The following STK32A variants were observed in gnomAD, a reference collection of about 807,000 sequenced individuals.
The protein encoded by STK32A is serine/threonine-protein kinase 32A.
STK32A carries 41 observed loss-of-function variants against 53.2 expected under a neutral mutation model. The observed-to-expected ratio is 0.77, with a 90% CI of 0.60 to 1.00. The LOEUF is 1.00. STK32A is among the 50% of genes least tolerant of loss of function. The pLI is 0.00. For synonymous variants in STK32A, 166 were observed against 162.8 expected (o/e 1.02, Z -0.15); for missense variants, 458 against 485.8 (o/e 0.94, Z 0.54).
rs973780815 is a variant in STK32A, at chr5:147,373,295, G to A, written c.903+1G>A. ...GCTCATTCCAGGTTTCATTCCTAAT[G>A]TGAGTCAATCCTAACAAAGCCAAAT... On this transcript the variant is annotated splice_donor_variant, in intron 10 of 12. Transcript: ENST00000397936. LOFTEE classifies it high-confidence loss of function. The A allele has an allele frequency of 1.2e-6, 2 of 1,613,040 alleles. No homozygotes were observed. Among genetic ancestry groups the A allele is most frequent in the South Asian group, 1.1e-5 (1 of 91,054 alleles).
At chr5:147,319,476 C>T (rs1207285982) in intron 4 of STK32A, among the ~76,000 whole-genome samples, 1 of 152,066 alleles carries the variant, frequency 6.6e-6, no homozygotes, top group African/African-American at 2.4e-5. Flanking sequence ...CTTTTGAAAT[C>T]TGCCTTTGGA....
At chr5:147,320,656 C>A (rs1754266893) in intron 4 of STK32A, among the ~76,000 whole-genome samples, 1 of 152,152 alleles carries the variant, frequency 6.6e-6, no homozygotes, top group African/African-American at 2.4e-5. Context: ...AACAGGGGAA[C>A]CGCATTTAAT....
chr5:147,270,301 C>T (rs1754974170), intron 2 of STK32A, among the ~76,000 whole-genome samples: 2 of 151,998 alleles, frequency 1.3e-5, no homozygotes, highest in Admixed American at 1.3e-4. Context: ...ACTTCCCAGG[C>T]TTAAGGGCTC....
At chr5:147,321,180 T>C (rs533270175) in intron 4 of STK32A, among the ~76,000 whole-genome samples, 40 of 152,264 alleles carry the variant, frequency 2.6e-4, no homozygotes, top group African/African-American at 9.1e-4. Context: ...GACTAACAAA[T>C]AAGTAAGCCA....
At chr5:147,284,798 T>C (rs933351266) in intron 4 of STK32A, among the ~76,000 whole-genome samples, 4 of 151,730 alleles carry the variant, frequency 2.6e-5, no homozygotes, top group African/African-American at 9.7e-5. Flanking sequence ...GAAGGAATCA[T>C]AGATGACACA....
chr5:147,395,517 C>T, the STK32A span: 149 of 1,573,150 alleles, frequency 9.5e-5, no homozygotes, highest in East Asian at 3.1e-3. Context: ...TGATCTTCCC[C>T]TTCCCCCTTC....
chr5:147,260,304 TC>T, intron 2 of STK32A, among the ~76,000 whole-genome samples: 1 of 149,670 alleles, frequency 6.7e-6, no homozygotes, highest in East Asian at 2.0e-4. Flanking sequence ...TGTCTCTCTC[TC>T]TCTCTCTCTC....
At chr5:147,298,153 A>T (rs1415007376) in intron 4 of STK32A, among the ~76,000 whole-genome samples, 2 of 151,924 alleles carry the variant, frequency 1.3e-5, no homozygotes, top group Non-Finnish European at 1.5e-5. Flanking sequence ...TTCCTAGGAG[A>T]TGGATGGGAG....
At chr5:147,353,128 C>T (rs1275147279) in intron 7 of STK32A, among the ~76,000 whole-genome samples, 1 of 149,244 alleles carries the variant, frequency 6.7e-6, no homozygotes, top group Non-Finnish European at 1.5e-5. Flanking sequence ...GTGTGAGGAC[C>T]CCTCTGCCTC....
At chr5:147,349,564 G>A (rs747084815) in intron 6 of STK32A, among the ~76,000 whole-genome samples, 1 of 152,170 alleles carries the variant, frequency 6.6e-6, no homozygotes, top group Non-Finnish European at 1.5e-5. Flanking sequence ...TAAATGCAGG[G>A]ACCCTAGAGC....
chr5:147,317,944 G>A (rs1754088282), intron 4 of STK32A, among the ~76,000 whole-genome samples: 1 of 152,058 alleles, frequency 6.6e-6, no homozygotes, highest in Non-Finnish European at 1.5e-5. Flanking sequence ...TATCAGAGTA[G>A]AAGGAAATAT....
rs141935525 is a variant in STK32A at position 147,336,546 on chromosome 5, A to T, written c.435-6460A>T. Among the ~76,000 whole-genome samples the T allele has an allele frequency of 6.9e-4, 105 of 152,276 alleles. 1 individual carries two copies. Among genetic ancestry groups the T allele is most frequent in the African/African-American group, 2.5e-3 (103 of 41,554 alleles). On this transcript the variant is annotated intron_variant, in intron 5 of 12. Coordinates refer to ENST00000397936, the MANE Select transcript of STK32A (RefSeq NM_001112724.2). ...ATGGAATACTATATATGCCCACTAT[A>T]TTTCAGTAAACTTTACTATGCTAAG... is the stretch of plus-strand genomic sequence containing the variant.
At chr5:147,399,256 T>A in the STK32A span, 1 of 1,613,610 alleles carries the variant, frequency 6.2e-7, no homozygotes, top group African/African-American at 1.3e-5. Context: ...CTGTGGCCTA[T>A]TGAAATATAA....
intron 2 of STK32A, among the ~76,000 whole-genome samples, chr5:147,274,441 A>G (rs1337353324): frequency 6.6e-6 from 1 of 152,230 alleles, no homozygotes; most frequent in Non-Finnish European, 1.5e-5. Flanking sequence ...GTTTTGGAAC[A>G]TGATCCAAGT....
chr5:147,235,959 C>A (rs1357615934), intron 1 of STK32A, among the ~76,000 whole-genome samples: 1 of 152,098 alleles, frequency 6.6e-6, no homozygotes, highest in Non-Finnish European at 1.5e-5. Context: ...CATGTTTTTG[C>A]CCCCTATTTT....
intron 4 of STK32A, among the ~76,000 whole-genome samples, chr5:147,303,766 GGAA>G (rs1753258530): frequency 6.6e-6 from 1 of 152,164 alleles, no homozygotes; most frequent in Non-Finnish European, 1.5e-5. Flanking sequence ...AAGGGTTCAA[GGAA>G]GAAGTTGTTT....
At chr5:147,383,119 T>C (rs1757516900) in intron 11 of STK32A, 1 of 332,824 alleles carries the variant, frequency 3.0e-6, no homozygotes, top group Middle Eastern at 9.1e-4. Context: ...AGAGCTTAAG[T>C]TGGTCATAAT....
rs148983694 is a variant in STK32A, at chr5:147,328,036, G to A, written c.434+3965G>A. 3.9e-3 allele frequency among the ~76,000 whole-genome samples: 592 copies of A among 152,322 alleles called. 3 individuals are homozygous for A. The highest frequency in any genetic ancestry group is 0.014 in the African/African-American group (562 of 41,574). The stretch of plus-strand genomic sequence containing the variant: ...TTCATGAGAGCTCATACAGAAAACA[G>A]CCTAAAACTAGAAGCTAAATTGTGT... On this transcript the variant is annotated intron_variant, in intron 5 of 12. Coordinates refer to ENST00000397936, the MANE Select transcript of STK32A (RefSeq NM_001112724.2).
intron 2 of STK32A, among the ~76,000 whole-genome samples, chr5:147,275,625 C>G (rs1755224084): frequency 6.6e-6 from 1 of 152,110 alleles, no homozygotes; most frequent in African/African-American, 2.4e-5. Context: ...CATCCAGCCT[C>G]TTATAGTCAC....
Sources: allele counts gnomAD v4.1 joint callset (sites outside exome capture counted in the v4.1 genomes callset), GRCh38; gene constraint gnomAD v4.1.1; transcripts MANE v1.5; gene names NCBI Gene and HGNC (gene_info 2026-07-23, HGNC 2026-07-21).